Variants in ALDH9A1 observed in about 807,000 individuals in gnomAD.
ALDH9A1 encodes aldehyde dehydrogenase 9 family member A1.
A neutral mutation model predicts 56.6 loss-of-function variants in ALDH9A1; 42 were observed. The observed-to-expected ratio is 0.74, with a 90% CI of 0.58 to 0.96. The LOEUF is 0.96. Among genes scored for constraint, ALDH9A1 ranks in the 40% least tolerant of loss-of-function variants. The pLI is 0.00. For missense variants in ALDH9A1, 661 were observed against 651.5 expected, an observed-to-expected ratio of 1.01 and a Z score of -0.16; for synonymous variants, 242 against 236.0, an observed-to-expected ratio of 1.03 and a Z score of -0.23.
chr1:165,672,972 A>ACACAC (rs1649227819), intron 6 of ALDH9A1, among the ~76,000 whole-genome samples: 10 of 124,262 alleles, frequency 8.0e-5, no homozygotes, highest in African/African-American at 2.5e-4. Flanking sequence ...AAAAAATACA[A>ACACAC]ACACACACAC....
chr1:165,697,926 G>A (rs1456480716), intron 1 of ALDH9A1, among the ~76,000 whole-genome samples: 1 of 152,176 alleles, frequency 6.6e-6, no homozygotes, highest in East Asian at 1.9e-4. Flanking sequence ...CTACCAGGGA[G>A]GCTGAGGCGG....
At chr1:165,693,504 C>A (rs1231567105) in intron 2 of ALDH9A1, among the ~76,000 whole-genome samples, 1 of 152,026 alleles carries the variant, frequency 6.6e-6, no homozygotes, top group Non-Finnish European at 1.5e-5. Context: ...GCAAATCAAA[C>A]CCACAATGAG....
rs1368689872 is a variant in ALDH9A1, at chr1:165,662,412, A to G, written c.*638T>C. On this transcript the variant is annotated 3_prime_UTR_variant, in exon 11 of 11. Transcript: ENST00000354775. ...ACTAGGCAAGTTCACATTCACACAG[A>G]ATTTGACCCCATCTATTATCTAATC... 2.0e-5 allele frequency: 3 copies of G among 152,342 alleles called. No individual in the cohort carries two copies. The highest frequency in any genetic ancestry group is 4.4e-5 in the Non-Finnish European group (3 of 68,206). The allele number at this position is 152,342 out of a possible 1,614,324, so 9.4% of individuals were successfully genotyped here. A position where few individuals can be genotyped will look rare whatever the true frequency, so the allele number is the denominator to read the frequency against.
chr1:165,674,410 G>C (rs1434737239), intron 6 of ALDH9A1, among the ~76,000 whole-genome samples: 1 of 151,714 alleles, frequency 6.6e-6, no homozygotes, highest in African/African-American at 2.4e-5. Context: ...AAATTGGCAG[G>C]GAACAGCGGC....
intron 1 of ALDH9A1, among the ~76,000 whole-genome samples, chr1:165,697,891 T>C (rs1650141210): frequency 6.6e-6 from 1 of 151,946 alleles, no homozygotes; most frequent in Non-Finnish European, 1.5e-5. Context: ...TAGCCGGACA[T>C]GGTGGTGGGA....
chr1:165,696,260 G>T (rs1650081135), intron 1 of ALDH9A1, among the ~76,000 whole-genome samples: 4 of 152,160 alleles, frequency 2.6e-5, no homozygotes. Context: ...TTACAGGAAT[G>T]TCATGTCCCC....
intron 6 of ALDH9A1, chr1:165,676,717 C>T: frequency 2.0e-6 from 1 of 496,600 alleles, no homozygotes. Context: ...CAGGGAATCC[C>T]ACTGTGTGAG....
rs373472265 is a variant in ALDH9A1 at position 165,681,959 on chromosome 1, C to T, written c.592+148G>A. The T allele has an allele frequency of 1.7e-5, 18 of 1,065,898 alleles. 1 individual carries two copies. The East Asian group carries it at 2.0e-4, about 12-fold the overall frequency. The allele number at this position is 1,065,898 out of a possible 1,614,324, so 66.0% of individuals were successfully genotyped here. ...GGGGCAAGACAGGGCAGGAACGAGC[C>T]ATGTCCTCTGAGGCTTTGAATATCC... On this transcript the variant is annotated intron_variant, in intron 4 of 10. Coordinates refer to ENST00000354775, the MANE Select transcript of ALDH9A1 (RefSeq NM_000696.4).
At chr1:165,678,239 C>A (rs1649431344) in intron 6 of ALDH9A1, among the ~76,000 whole-genome samples, 2 of 150,408 alleles carry the variant, frequency 1.3e-5, no homozygotes, top group South Asian at 4.2e-4. Context: ...GAGGCTGAGG[C>A]GGGGGAATCG....
intron 6 of ALDH9A1, among the ~76,000 whole-genome samples, chr1:165,675,263 CTATA>C (rs1040290419): frequency 2.6e-5 from 4 of 151,000 alleles, no homozygotes; most frequent in East Asian, 1.9e-4. Flanking sequence ...CTCTCTCTCT[CTATA>C]TATATATAAA....
chr1:165,668,985 A>G lies in ALDH9A1; in HGVS notation c.1148T>C (p.Ile383Thr), dbSNP rs1649089500. Residue 383 changes from isoleucine to threonine, a missense_variant, in exon 8 of 11, where the codon ATA becomes ACA. Transcript: ENST00000354775. ...TAATTTGGGATCTTCAGGTACATAT[A>G]TATCTCCACCACATAACACTTTAGC... ...QGAKVLCGGD[I>T]YVPEDPKLKD... 6.2e-6 allele frequency: 10 copies of G among 1,612,112 alleles called. No individual in the cohort carries two copies. Among genetic ancestry groups the G allele is most frequent in the Non-Finnish European group, 6.8e-6 (8 of 1,178,452 alleles).
At chr1:165,667,698 T>C (rs143115504) in intron 8 of ALDH9A1, among the ~76,000 whole-genome samples, 1 of 152,316 alleles carries the variant, frequency 6.6e-6, no homozygotes, top group East Asian at 1.9e-4. Context: ...ATGTAATAAC[T>C]GCAACCTAAT....
chr1:165,682,378 C>T lies in ALDH9A1; in HGVS notation c.458-137G>A, dbSNP rs1219721067. ...CCAATACACCAGGCTCACCCTGTCT[C>T]CATTCTTCTATTTGTTCCAGGCAGT... On this transcript the variant is annotated intron_variant, in intron 3 of 10. Transcript: ENST00000354775. 4.3e-6 allele frequency: 4 copies of T among 925,802 alleles called. No homozygotes were observed. The Admixed American group carries it at 1.2e-4, about 27-fold the overall frequency. The allele number at this position is 925,802 out of a possible 1,614,324, so 57.3% of individuals were successfully genotyped here. A position where few individuals can be genotyped will look rare whatever the true frequency, so the allele number is the denominator to read the frequency against.
At chr1:165,697,518 G>GT (rs902533175) in intron 1 of ALDH9A1, among the ~76,000 whole-genome samples, 2 of 152,126 alleles carry the variant, frequency 1.3e-5, no homozygotes, top group Non-Finnish European at 2.9e-5. Context: ...TAAAGGTGGG[G>GT]TTTTTTCCTT....
chr1:165,695,662 A>C (rs1650059088), intron 1 of ALDH9A1, among the ~76,000 whole-genome samples: 3 of 150,748 alleles, frequency 2.0e-5, no homozygotes, highest in African/African-American at 7.3e-5. Context: ...CGCCCAGCTA[A>C]TTTTTTGTAT....
chr1:165,681,982 T>A (rs1649565132), intron 4 of ALDH9A1, 125 bp downstream of exon 4: 1 of 1,317,514 alleles, frequency 7.6e-7, no homozygotes. Context: ...GCTTTGAATA[T>A]CCCAGAGCAG....
chr1:165,671,369 C>T (rs1649174102), intron 6 of ALDH9A1: 5 of 443,138 alleles, frequency 1.1e-5, no homozygotes, highest in African/African-American at 2.0e-5. Flanking sequence ...TGACATCTGA[C>T]GACATGAAGG....
chr1:165,679,062 C>A (rs1004245341), intron 6 of ALDH9A1, among the ~76,000 whole-genome samples: 16 of 152,178 alleles, frequency 1.1e-4, no homozygotes, highest in Admixed American at 4.6e-4. Flanking sequence ...TGAGTAAGGG[C>A]TATAGATTCA....
At chr1:165,680,435 T>A in intron 5 of ALDH9A1, 52 bp downstream of exon 5, 1 of 1,584,498 alleles carries the variant, frequency 6.3e-7, no homozygotes, top group South Asian at 1.1e-5. Context: ...TAGGACCGGA[T>A]TTGCCACATC....
Sources: gnomAD v4.1 joint callset for allele counts (sites outside exome capture counted in the v4.1 genomes callset) on GRCh38, gnomAD v4.1.1 for gene constraint, MANE v1.5 for transcripts, NCBI Gene and HGNC (gene_info 2026-07-23, HGNC 2026-07-21) for gene names.